Variants in PHACTR3 observed in about 807,000 individuals in gnomAD.
PHACTR3 encodes protein phosphatase 1, regulatory subunit 123.
PHACTR3 carries 16 observed loss-of-function variants against 66.8 expected under a neutral mutation model. That is an observed-to-expected ratio of 0.24 (90% CI 0.16 to 0.36). The LOEUF is 0.36. Ranked by LOEUF, PHACTR3 falls within the 10% of genes least tolerant of loss-of-function variation. PHACTR3 has a pLI of 1.00. For synonymous variants in PHACTR3, 323 were observed against 292.1 expected (o/e 1.11, Z -1.08); for missense variants, 647 against 719.9 (o/e 0.90, Z 1.16).
At chr20:59,823,973 A>G (rs918438173) in intron 8 of PHACTR3, among the ~76,000 whole-genome samples, 1 of 152,234 alleles carries the variant, frequency 6.6e-6, no homozygotes, top group African/African-American at 2.4e-5. Flanking sequence ...GTGGCCAGGC[A>G]GTTCTGAAAT....
intron 1 of PHACTR3, among the ~76,000 whole-genome samples, chr20:59,715,830 G>C (rs947610334): frequency 1.3e-5 from 2 of 151,894 alleles, no homozygotes; most frequent in Admixed American, 6.7e-5. Flanking sequence ...AGAAGCAGAG[G>C]TGCCTGTCCA....
intron 1 of PHACTR3, among the ~76,000 whole-genome samples, chr20:59,651,806 A>G (rs6070893): frequency 0.089 from 13,585 of 152,008 alleles, 873 homozygotes; most frequent in East Asian, 0.25. Flanking sequence ...TTCCAGAGAA[A>G]CCCAACCAAC....
intron 1 of PHACTR3, among the ~76,000 whole-genome samples, chr20:59,643,527 G>A (rs564492543): frequency 1.3e-5 from 2 of 152,340 alleles, no homozygotes; most frequent in South Asian, 4.1e-4. Flanking sequence ...GCACAAAACA[G>A]TGCCCTTGCT....
At chr20:59,749,698 C>T (rs556701608) in intron 3 of PHACTR3, among the ~76,000 whole-genome samples, 2 of 152,280 alleles carry the variant, frequency 1.3e-5, no homozygotes, top group East Asian at 1.9e-4. Flanking sequence ...GCTTTTGTAG[C>T]GCAAAGGCAG....
At chr20:59,834,710 T>C (rs908489228) in intron 8 of PHACTR3, among the ~76,000 whole-genome samples, 5 of 152,196 alleles carry the variant, frequency 3.3e-5, no homozygotes, top group African/African-American at 1.2e-4. Flanking sequence ...AATGTATCTC[T>C]GCCAGATTCT....
At chr20:59,595,541 A>C (rs1221876743) in intron 1 of PHACTR3, among the ~76,000 whole-genome samples, 1 of 152,222 alleles carries the variant, frequency 6.6e-6, no homozygotes, top group Non-Finnish European at 1.5e-5. Flanking sequence ...TGAGCTTGAG[A>C]AGAATGGGTA....
At position 59,767,320 on chromosome 20, in the gene PHACTR3, G is replaced by T. The variant is rs1294069842; in HGVS notation, c.676G>T (p.Gly226Cys). 2 of 1,614,158 alleles carry T rather than the reference G, an allele frequency of 1.2e-6. No individual in the cohort carries two copies. Among genetic ancestry groups the T allele is most frequent in the Admixed American group, 3.3e-5 (2 of 60,026 alleles). ...SPPRPLERSV[G>C]QLPSPPLLPT... ...TCCCAGACCTCTGGAGAGATCCGTG[G>T]GCCAGCTCCCCAGCCCCCCACTGCT... The change falls in exon 5 of 13, where the codon GGC (glycine) becomes TGC (cysteine). Residue 226 changes from glycine (G) to cysteine (C), a missense_variant. Gly to Cys is a radical substitution (Grantham distance 159). Around this residue, in one of 2 missense-constraint regions of PHACTR3, gnomAD observed 577 missense variants for 571.1 expected, o/e 1.01. Transcript: ENST00000371015.
At chr20:59,753,689 A>G (rs930820102) in intron 3 of PHACTR3, among the ~76,000 whole-genome samples, 8 of 152,222 alleles carry the variant, frequency 5.3e-5, no homozygotes, top group African/African-American at 1.4e-4. Flanking sequence ...GCAAGCAGAA[A>G]TATTATCCCC....
In PHACTR3 at chr20:59,577,546, C is replaced by A. The variant is rs1174135337; in HGVS notation, c.38C>A (p.Ala13Glu). Residue 13 changes from alanine to glutamate, a missense_variant, in exon 1 of 13, where the codon GCG (alanine) becomes GAG (glutamate). Ala to Glu is a moderately radical substitution (Grantham distance 107, BLOSUM62 -1). Transcript: ENST00000359926. The stretch of plus-strand genomic sequence containing the variant: ...GGCGGGGGGCGCGCCCGCTGTCCTG[C>A]GCCCCTGCGCTCGCTGCTGGGCGCC... 5.9e-6 allele frequency: 7 copies of A among 1,184,594 alleles called. No individual in the cohort carries two copies. In the African/African-American group the frequency reaches 1.1e-4, roughly 19 times the overall value. The allele number at this position is 1,184,594 out of a possible 1,614,324, so 73.4% of individuals were successfully genotyped here.
chr20:59,790,994 A>T lies in PHACTR3; in HGVS notation c.1175-15047A>T, dbSNP rs1333872409. ...CCTGGGACAACTCATATCTCCATGA[A>T]CTTTGGTGTTCTTTTCATTAATTCA... On this transcript the variant is annotated intron_variant, in intron 7 of 12. Transcript: ENST00000371015. 2.0e-5 allele frequency among the ~76,000 whole-genome samples: 3 copies of T among 152,180 alleles called. No individual in the cohort carries two copies. The East Asian group carries it at 5.8e-4, about 29-fold the overall frequency.
intron 3 of PHACTR3, among the ~76,000 whole-genome samples, chr20:59,750,255 G>T (rs1031607340): frequency 6.6e-6 from 1 of 151,984 alleles, no homozygotes; most frequent in African/African-American, 2.4e-5. Context: ...CAGGTCCAAA[G>T]GTGGGCAGGA....
chr20:59,589,361 G>A (rs2033125118), intron 1 of PHACTR3, among the ~76,000 whole-genome samples: 1 of 152,192 alleles, frequency 6.6e-6, no homozygotes, highest in African/African-American at 2.4e-5. Context: ...ATGAATGGTG[G>A]GCGCCGAGAG....
intron 1 of PHACTR3, among the ~76,000 whole-genome samples, chr20:59,638,813 A>ATGG (rs55829125): frequency 0.72 from 101,249 of 140,618 alleles, 36,082 homozygotes; most frequent in East Asian, 0.88. Flanking sequence ...TGGATGGACG[A>ATGG]ATGGATGGGT....
chr20:59,707,675 G>A (rs554175870), intron 1 of PHACTR3, among the ~76,000 whole-genome samples: 1 of 152,082 alleles, frequency 6.6e-6, no homozygotes, highest in South Asian at 2.1e-4. Context: ...ATGTTGCCCA[G>A]GCTGGTCTTG....
chr20:59,644,395 G>C (rs1349955067), intron 1 of PHACTR3, among the ~76,000 whole-genome samples: 1 of 152,232 alleles, frequency 6.6e-6, no homozygotes, highest in Non-Finnish European at 1.5e-5. Flanking sequence ...CAGTGACCAT[G>C]ACATTGGTTG....
intron 1 of PHACTR3, among the ~76,000 whole-genome samples, chr20:59,581,338 C>T (rs2032850429): frequency 6.6e-6 from 1 of 152,238 alleles, no homozygotes; most frequent in South Asian, 2.1e-4. Flanking sequence ...ATCTTCGTTT[C>T]TCTCCTTTCC....
At chr20:59,752,676 C>A (rs2039640700) in intron 3 of PHACTR3, among the ~76,000 whole-genome samples, 2 of 143,128 alleles carry the variant, frequency 1.4e-5, no homozygotes, top group Admixed American at 1.4e-4. Flanking sequence ...GTTCTATGTT[C>A]TGACCTTTTT....
chr20:59,840,576 A>C (rs1016625859), intron 10 of PHACTR3, 146 bp downstream of exon 10: 51 of 1,301,490 alleles, frequency 3.9e-5, no homozygotes, highest in Non-Finnish European at 5.2e-5. Flanking sequence ...TTAAATCAGG[A>C]TATTTGCTCA....
intron 7 of PHACTR3, among the ~76,000 whole-genome samples, chr20:59,787,364 A>C (rs72629005): frequency 0.064 from 9,724 of 152,242 alleles, 726 homozygotes; most frequent in East Asian, 0.37. Context: ...GAGGAGGAGC[A>C]GAGGTGGGAG....
Sources: gnomAD v4.1 joint callset for allele counts (sites outside exome capture counted in the v4.1 genomes callset) on GRCh38, gnomAD v4.1.1 for gene constraint, gnomAD v4.1.1 regional missense constraint, MANE v1.5 for transcripts, NCBI Gene and HGNC (gene_info 2026-07-23, HGNC 2026-07-21) for gene names.